MAGI3: variants seen among roughly 807,000 people sequenced by gnomAD.
The protein encoded by MAGI3 is membrane associated guanylate kinase, WW and PDZ domain containing 3.
MAGI3 carries 43 observed loss-of-function variants against 121.8 expected under a neutral mutation model. That is an observed-to-expected ratio of 0.35 (90% confidence interval 0.28 to 0.46). The LOEUF (loss-of-function observed/expected upper bound fraction) is 0.46, where lower values mean the gene tolerates loss of function less well. MAGI3 is among the 20% of genes least tolerant of loss of function. The pLI is 1.00. For synonymous variants in MAGI3, 553 were observed against 639.3 expected (o/e 0.86, Z 2.04); for missense variants, 1,547 against 1,797.3 (o/e 0.86, Z 2.52).
chr1:113,570,344 A>G (rs913607235), intron 2 of MAGI3, among the ~76,000 whole-genome samples: 1 of 152,166 alleles, frequency 6.6e-6, no homozygotes, highest in Non-Finnish European at 1.5e-5. Flanking sequence ...TAGTGCTGCA[A>G]TAAACATACA....
At chr1:113,591,937 T>G (rs1648715624) in intron 5 of MAGI3, among the ~76,000 whole-genome samples, 1 of 152,044 alleles carries the variant, frequency 6.6e-6, no homozygotes, top group Admixed American at 6.6e-5. Flanking sequence ...TATATGTAAA[T>G]GGATGAAAGA....
intron 1 of MAGI3, among the ~76,000 whole-genome samples, chr1:113,408,927 C>A (rs1651826746): frequency 6.6e-6 from 1 of 151,908 alleles, no homozygotes; most frequent in African/African-American, 2.4e-5. Context: ...TAGTTCTGTA[C>A]TTTGCCATAT....
chr1:113,407,847 A>G (rs1006550116), intron 1 of MAGI3, among the ~76,000 whole-genome samples: 1 of 152,208 alleles, frequency 6.6e-6, no homozygotes, highest in African/African-American at 2.4e-5. Context: ...GTGCTAAAAT[A>G]TCTTAGACCC....
rs187952090 is a variant in MAGI3 at position 113,485,257 on chromosome 1, T to A, written c.317-64258T>A. Among the ~76,000 whole-genome samples the A allele has an allele frequency of 9.7e-4, 148 of 152,328 alleles. No individual in the cohort carries two copies. In the Middle Eastern group the frequency reaches 0.02, roughly 21 times the overall value. ...TCTTCACACTCGTTTCCATAGTGAT[T>A]GTTTGCATTCCCACCAACAATGTAA... On this transcript the variant is annotated intron_variant, in intron 1 of 20. Coordinates refer to ENST00000307546, the MANE Select transcript of MAGI3 (RefSeq NM_001142782.2).
chr1:113,438,254 T>C (rs1653736582), intron 1 of MAGI3, among the ~76,000 whole-genome samples: 1 of 152,146 alleles, frequency 6.6e-6, no homozygotes, highest in African/African-American at 2.4e-5. Context: ...CTTATAGTCC[T>C]GAAATACAGT....
intron 2 of MAGI3, among the ~76,000 whole-genome samples, chr1:113,561,690 T>C (rs2101688756): frequency 6.6e-6 from 1 of 152,280 alleles, no homozygotes; most frequent in South Asian, 2.1e-4. Context: ...ACCATTCCCC[T>C]TGAAAACCAG....
intron 2 of MAGI3, among the ~76,000 whole-genome samples, chr1:113,552,869 T>A (rs562186636): frequency 3.3e-5 from 5 of 152,216 alleles, no homozygotes; most frequent in Non-Finnish European, 7.3e-5. Flanking sequence ...TATCATACTT[T>A]CCTAAAAAGT....
intron 9 of MAGI3, among the ~76,000 whole-genome samples, chr1:113,638,912 T>C (rs1451107829): frequency 2.6e-5 from 4 of 152,220 alleles, no homozygotes; most frequent in East Asian, 1.9e-4. Context: ...GGCTGCTTTG[T>C]TTACCTAAGC....
intron 1 of MAGI3, among the ~76,000 whole-genome samples, chr1:113,512,529 A>G (rs1435535934): frequency 6.6e-6 from 1 of 152,168 alleles, no homozygotes; most frequent in Non-Finnish European, 1.5e-5. Flanking sequence ...TTTGGGCATA[A>G]ATTTTAAGAT....
chr1:113,461,677 A>C (rs973964072), intron 1 of MAGI3, among the ~76,000 whole-genome samples: 3 of 152,192 alleles, frequency 2.0e-5, no homozygotes, highest in African/African-American at 7.2e-5. Context: ...AGATTTTATG[A>C]CAAAGACACC....
intron 7 of MAGI3, among the ~76,000 whole-genome samples, chr1:113,616,503 T>C (rs1480239559): frequency 6.6e-6 from 1 of 152,238 alleles, no homozygotes; most frequent in Non-Finnish European, 1.5e-5. Context: ...GGCACGATGA[T>C]TGCTCTTGGC....
At chr1:113,516,542 C>T (rs1472026476) in intron 1 of MAGI3, among the ~76,000 whole-genome samples, 1 of 151,600 alleles carries the variant, frequency 6.6e-6, no homozygotes. Flanking sequence ...CATTATAACC[C>T]AAAGTATAAA....
intron 6 of MAGI3, among the ~76,000 whole-genome samples, chr1:113,610,911 C>T (rs1365206009): frequency 2.0e-5 from 3 of 151,124 alleles, no homozygotes; most frequent in South Asian, 2.1e-4. Context: ...TCTAGCCTGG[C>T]GACAGAGGAA....
chr1:113,485,195 G>C (rs1242055469), intron 1 of MAGI3, among the ~76,000 whole-genome samples: 1 of 152,186 alleles, frequency 6.6e-6, no homozygotes, highest in Admixed American at 6.5e-5. Context: ...GGGATTGCTG[G>C]ATCAAATGGT....
rs1225184082 is a variant in MAGI3 at position 113,391,367 on chromosome 1, A to T, written c.316+18A>T. The T allele has an allele frequency of 1.3e-6, 2 of 1,575,268 alleles. No homozygotes were observed. The highest frequency in any genetic ancestry group is 2.7e-5 in the African/African-American group (2 of 73,602). ...GAAACCAGGTACGCCGGCCCTGCGTATCTGTCTCGGGGTGTTGGGGAGAGG... is the reference window on the plus strand; with the variant it reads ...GAAACCAGGTACGCCGGCCCTGCGTTTCTGTCTCGGGGTGTTGGGGAGAGG... On this transcript the variant is annotated intron_variant, in intron 1 of 20. Coordinates refer to ENST00000307546, the MANE Select transcript of MAGI3 (RefSeq NM_001142782.2). This position sits in a 1 kb window ranked among gnomAD's most constrained non-coding sequence, Gnocchi z 4.4.
At chr1:113,449,824 G>T in intron 1 of MAGI3, 1 of 1,276,940 alleles carries the variant, frequency 7.8e-7, no homozygotes, top group Non-Finnish European at 1.1e-6. Flanking sequence ...CTCACAGATT[G>T]TGTGGTAATG....
intron 1 of MAGI3, among the ~76,000 whole-genome samples, chr1:113,509,472 T>C (rs911336092): frequency 2.8e-5 from 4 of 142,990 alleles, no homozygotes; most frequent in Non-Finnish European, 6.1e-5. Context: ...GAAATACTAA[T>C]TTTAAAAATC....
Position 113,579,589 on chromosome 1 carries a change from A to G in MAGI3, c.434-953A>G, listed in dbSNP as rs538269087. On this transcript the variant is annotated intron_variant, in intron 2 of 20. Coordinates refer to ENST00000307546, the MANE Select transcript of MAGI3 (RefSeq NM_001142782.2). ...TTGTTTCCTCAGACTGTGTTTTAGA[A>G]AAGTCACTGACTGCAGTGACTAGGA... Among the ~76,000 whole-genome samples, 4 of 152,300 alleles carry G rather than the reference A, an allele frequency of 2.6e-5. No homozygotes were observed. The South Asian group carries it at 8.3e-4, about 32-fold the overall frequency.
At chr1:113,495,975 T>C (rs1372884803) in intron 1 of MAGI3, among the ~76,000 whole-genome samples, 3 of 152,224 alleles carry the variant, frequency 2.0e-5, no homozygotes, top group Non-Finnish European at 2.9e-5. Flanking sequence ...GGTTGTGATA[T>C]ATGTAAGAAT....
Sources: allele counts gnomAD v4.1 joint callset (sites outside exome capture counted in the v4.1 genomes callset), GRCh38; gene constraint gnomAD v4.1.1; non-coding constraint Gnocchi (gnomAD v3.1); transcripts MANE v1.5; gene names NCBI Gene and HGNC (gene_info 2026-07-23, HGNC 2026-07-21).